The following APOLD1 variants were observed in gnomAD, a reference collection of about 807,000 sequenced individuals.
APOLD1 encodes the protein apolipoprotein L domain containing 1.
In APOLD1, 22 loss-of-function variants were observed where a neutral mutation model predicts 15.3. The observed-to-expected ratio is 1.44, with a 90% confidence interval of 1.03 to 2.05. APOLD1 has a LOEUF of 2.05. APOLD1 is among the 30% of genes most tolerant of loss of function. APOLD1 has a pLI of 0.00. For synonymous variants in APOLD1, 190 were observed against 167.4 expected (o/e 1.13, Z -1.04); for missense variants, 394 against 353.5 (o/e 1.11, Z -0.92).
intron 1 of APOLD1, among the ~76,000 whole-genome samples, chr12:12,780,250 T>A (rs940136592): frequency 4.8e-5 from 1 of 20,854 alleles, no homozygotes; most frequent in African/African-American, 1.2e-4. Flanking sequence ...TTTAATTTGC[T>A]TTTTTTTTTT....
At chr12:12,786,714 G>A (rs1947127333) in intron 1 of APOLD1, 195 bp from the exon 2 acceptor site, 3 of 985,354 alleles carry the variant, frequency 3.0e-6, no homozygotes, top group Non-Finnish European at 3.6e-6. Context: ...GAGAACTTGT[G>A]TGGCTCCCCC....
chr12:12,769,227 T>TAAAA (rs35276279), intron 1 of APOLD1, among the ~76,000 whole-genome samples: 2 of 61,758 alleles, frequency 3.2e-5, no homozygotes, highest in African/African-American at 6.0e-5. Context: ...GACCTCCAGC[T>TAAAA]AAAAAAAAAA....
intron 1 of APOLD1, among the ~76,000 whole-genome samples, chr12:12,740,828 C>T (rs762050548): frequency 8.5e-5 from 13 of 152,066 alleles, no homozygotes; most frequent in Non-Finnish European, 1.9e-4. Context: ...GGAGACAATC[C>T]ATATATTACT....
At chr12:12,747,915 A>G (rs377766247) in intron 1 of APOLD1, among the ~76,000 whole-genome samples, 7 of 152,072 alleles carry the variant, frequency 4.6e-5, no homozygotes, top group African/African-American at 1.5e-4. Flanking sequence ...GGCAGTTTGT[A>G]TAGGCTTATA....
chr12:12,726,238 A>T, intron 1 of APOLD1: 2 of 750,244 alleles, frequency 2.7e-6, no homozygotes, highest in Non-Finnish European at 4.5e-6. Flanking sequence ...ATCATAATTC[A>T]GCCAGTCGGT....
intron 1 of APOLD1, among the ~76,000 whole-genome samples, chr12:12,755,754 T>A (rs1565431190): frequency 6.6e-6 from 1 of 152,188 alleles, no homozygotes; most frequent in Admixed American, 6.5e-5. Context: ...GATGGGAGGA[T>A]CACTTGAGGC....
intron 1 of APOLD1, among the ~76,000 whole-genome samples, chr12:12,734,088 A>G (rs1024030669): frequency 3.9e-5 from 6 of 152,098 alleles, no homozygotes; most frequent in Non-Finnish European, 5.9e-5. Context: ...AGTTATGAGG[A>G]GTGTATGCAT....
chr12:12,772,213 T>C (rs924044171), intron 1 of APOLD1, among the ~76,000 whole-genome samples: 26 of 152,084 alleles, frequency 1.7e-4, no homozygotes, highest in African/African-American at 1.7e-4. Context: ...TCAGACTGGA[T>C]CAAAAAACAA....
intron 1 of APOLD1, among the ~76,000 whole-genome samples, chr12:12,773,334 G>A (rs762405342): frequency 6.6e-6 from 1 of 152,206 alleles, no homozygotes; most frequent in South Asian, 2.1e-4. Context: ...GGTGAAGTGG[G>A]AAGATTGCTT....
At chr12:12,758,000 A>G (rs1592299027) in intron 1 of APOLD1, among the ~76,000 whole-genome samples, 2 of 133,642 alleles carry the variant, frequency 1.5e-5, no homozygotes, top group East Asian at 4.2e-4. Flanking sequence ...ATCTTGGCTC[A>G]CTGCAACCTC....
chr12:12,770,732 C>G (rs1342564446), intron 1 of APOLD1, among the ~76,000 whole-genome samples: 1 of 146,560 alleles, frequency 6.8e-6, no homozygotes, highest in East Asian at 2.1e-4. Context: ...TGTCAGACAC[C>G]AAATCACAGA....
chr12:12,780,207 G>A (rs959227086), intron 1 of APOLD1, among the ~76,000 whole-genome samples: 1 of 151,554 alleles, frequency 6.6e-6, no homozygotes, highest in African/African-American at 2.4e-5. Context: ...AGAAATCATG[G>A]GCAAAAATCC....
At chr12:12,782,552 C>T (rs964706262), upstream of APOLD1, among the ~76,000 whole-genome samples, 3 of 152,130 alleles carry the variant, frequency 2.0e-5, no homozygotes, top group South Asian at 6.2e-4. Flanking sequence ...CTTGTCTCTA[C>T]AAAAAGTCAA....
chr12:12,728,457 G>A (rs1234565832), intron 1 of APOLD1, among the ~76,000 whole-genome samples: 1 of 151,884 alleles, frequency 6.6e-6, no homozygotes, highest in Admixed American at 6.6e-5. Flanking sequence ...CTTGAACTCA[G>A]GAGTTCTGGA....
intron 1 of APOLD1, among the ~76,000 whole-genome samples, chr12:12,754,731 G>A (rs1028974960): frequency 6.6e-6 from 1 of 151,724 alleles, no homozygotes; most frequent in Non-Finnish European, 1.5e-5. Flanking sequence ...ATGCCTGGCC[G>A]AAATCTATCT....
chr12:12,755,284 A>G (rs910777723), intron 1 of APOLD1, among the ~76,000 whole-genome samples: 1 of 152,214 alleles, frequency 6.6e-6, no homozygotes, highest in African/African-American at 2.4e-5. Context: ...TATAACAAAA[A>G]CAAATTTCAC....
chr12:12,780,089 T>C (rs1167964670), intron 1 of APOLD1, among the ~76,000 whole-genome samples: 2 of 152,056 alleles, frequency 1.3e-5, no homozygotes, highest in Admixed American at 1.3e-4. Context: ...TGTTATAAAA[T>C]AATGATATTT....
intron 1 of APOLD1, among the ~76,000 whole-genome samples, chr12:12,749,191 T>G (rs1371627787): frequency 6.6e-6 from 1 of 151,992 alleles, no homozygotes; most frequent in Non-Finnish European, 1.5e-5. Flanking sequence ...TGCTAGGAAT[T>G]GGCTTATTTT....
In APOLD1 at chr12:12,787,733, ACAC is replaced by A; in HGVS notation, c.*84_*86del. 6.6e-7 allele frequency: 1 copy of A among 1,503,800 alleles called. No homozygotes were observed. Among genetic ancestry groups the A allele is most frequent in the Non-Finnish European group, 8.8e-7 (1 of 1,133,918 alleles). The allele number at this position is 1,503,800 out of a possible 1,614,324, so 93.2% of individuals were successfully genotyped here. A position where few individuals can be genotyped will look rare whatever the true frequency, so the allele number is the denominator to read the frequency against. ...CAGAATTTGTAGCTCCCTTAGGAAA[ACAC>A]CAAGCTGGGTTAGGAGCCGAAGGCA... is the stretch of plus-strand genomic sequence containing the variant. On this transcript the variant is annotated 3_prime_UTR_variant, in exon 2 of 2. Coordinates refer to ENST00000356591, the MANE Select transcript of APOLD1 (RefSeq NM_030817.3). This position sits in a 1 kb window ranked among gnomAD's most constrained non-coding sequence, Gnocchi z 4.9.
Sources: gnomAD v4.1 joint callset for allele counts (sites outside exome capture counted in the v4.1 genomes callset) on GRCh38, gnomAD v4.1.1 for gene constraint, Gnocchi (gnomAD v3.1) non-coding constraint, MANE v1.5 for transcripts, NCBI Gene and HGNC (gene_info 2026-07-23, HGNC 2026-07-21) for gene names.